SH3PXD2A: variants seen among roughly 807,000 people sequenced by gnomAD.
SH3PXD2A encodes SH3 and PX domains 2A, also known as SH3 and PX domain-containing protein 2A.
Under a neutral mutation model 115.2 loss-of-function variants are expected in SH3PXD2A, and 32 were observed. That is an observed-to-expected ratio of 0.28 (90% confidence interval 0.21 to 0.37). The LOEUF (loss-of-function observed/expected upper bound fraction) is 0.37, where lower values mean the gene tolerates loss of function less well. Ranked by LOEUF, SH3PXD2A falls within the 10% of genes least tolerant of loss-of-function variation. SH3PXD2A has a pLI of 1.00. For synonymous variants in SH3PXD2A, 610 were observed against 629.1 expected (o/e 0.97, Z 0.45); for missense variants, 1,328 against 1,498.7 (o/e 0.89, Z 1.88).
intron 4 of SH3PXD2A, among the ~76,000 whole-genome samples, chr10:103,726,007 C>T (rs2038237075): frequency 2.6e-5 from 4 of 152,234 alleles, no homozygotes; most frequent in Admixed American, 2.6e-4. Context: ...GCCCCGTTTT[C>T]TGGGCCCCTC....
intron 3 of SH3PXD2A, among the ~76,000 whole-genome samples, chr10:103,741,010 AG>A (rs1293641873): frequency 6.6e-6 from 1 of 152,212 alleles, no homozygotes; most frequent in Non-Finnish European, 1.5e-5. Context: ...ATACCTATTG[AG>A]TAATTTGGTT....
chr10:103,855,344 G>T lies in SH3PXD2A; in HGVS notation c.-78C>A. On this transcript the variant is annotated 5_prime_UTR_variant, in exon 1 of 15. Coordinates refer to ENST00000369774, the MANE Select transcript of SH3PXD2A (RefSeq NM_001394015.1). ...CCGGGCTCCGGCTCCTTCTCCAGCT[G>T]CCGGGGTCCCGGGGCCGCCCGCCAC... 2 of 1,181,630 alleles carry T rather than the reference G, an allele frequency of 1.7e-6. No individual in the cohort carries two copies. Among genetic ancestry groups the T allele is most frequent in the South Asian group, 1.6e-5 (1 of 61,296 alleles). The allele number at this position is 1,181,630 out of a possible 1,614,324, so 73.2% of individuals were successfully genotyped here.
chr10:103,832,370 G>GAAAAAAAAAAAAAAAAA (rs58886791), intron 1 of SH3PXD2A, among the ~76,000 whole-genome samples: 3 of 128,038 alleles, frequency 2.3e-5, no homozygotes. Flanking sequence ...AACCTAAAAA[G>GAAAAAAAAAAAAAAAAA]AAAAAAAAAA....
chr10:103,811,847 A>G (rs1589465626), intron 1 of SH3PXD2A, among the ~76,000 whole-genome samples: 1 of 152,332 alleles, frequency 6.6e-6, no homozygotes, highest in Admixed American at 6.5e-5. Context: ...TCCATACCCC[A>G]TAAAATAAAC....
rs983357334 is a variant in SH3PXD2A, at chr10:103,840,804, G to A, written c.72+14391C>T. 1.2e-4 allele frequency among the ~76,000 whole-genome samples: 18 copies of A among 151,624 alleles called. No homozygotes were observed. In the South Asian group the frequency reaches 3.1e-3, roughly 26 times the overall value. ...TTAAATGAGTGATGTGCTTAGTGGCGGGCACATCGTTCATGCTGCTGTTGT... is the reference window on the plus strand; with the variant it reads ...TTAAATGAGTGATGTGCTTAGTGGCAGGCACATCGTTCATGCTGCTGTTGT... On this transcript the variant is annotated intron_variant, in intron 1 of 14. Coordinates refer to ENST00000369774, the MANE Select transcript of SH3PXD2A (RefSeq NM_001394015.1).
At chr10:103,816,674 A>T (rs2039326613) in intron 1 of SH3PXD2A, among the ~76,000 whole-genome samples, 1 of 152,198 alleles carries the variant, frequency 6.6e-6, no homozygotes. Context: ...AGAGAAATGA[A>T]AACTTACATC....
intron 6 of SH3PXD2A, among the ~76,000 whole-genome samples, chr10:103,670,543 G>A (rs931454278): frequency 6.6e-6 from 1 of 152,242 alleles, no homozygotes; most frequent in East Asian, 1.9e-4. Context: ...CGGCCTGCAA[G>A]GACAAGAACT....
chr10:103,713,027 CCAGCACGGCTTTAGTA>C (rs2038063812), intron 5 of SH3PXD2A, among the ~76,000 whole-genome samples: 1 of 152,204 alleles, frequency 6.6e-6, no homozygotes, highest in Admixed American at 6.5e-5. Context: ...GCTCAAGGGT[CCAGCACGGCTTTAGTA>C]CAGCATCAGC....
At chr10:103,747,869 T>C (rs990608041) in intron 3 of SH3PXD2A, among the ~76,000 whole-genome samples, 2 of 152,112 alleles carry the variant, frequency 1.3e-5, no homozygotes, top group African/African-American at 4.8e-5. Context: ...AGGTTGGTCT[T>C]GAACTCCTGG....
chr10:103,742,744 A>T (rs2038457232), intron 3 of SH3PXD2A, among the ~76,000 whole-genome samples: 1 of 152,196 alleles, frequency 6.6e-6, no homozygotes, highest in Non-Finnish European at 1.5e-5. Context: ...CGTGGGGGAC[A>T]GGGGAGTGTC....
At position 103,595,225 on chromosome 10, in the gene SH3PXD2A, T is replaced by C. The variant is rs4918029; in HGVS notation, c.*6591A>G. 127,147 of 152,214 alleles carry C rather than the reference T, an allele frequency of 0.84. 53,231 individuals carry two copies. Among genetic ancestry groups the C allele is most frequent in the East Asian group, 1 (5,182 of 5,188 alleles). The allele number at this position is 152,214 out of a possible 1,614,324, so 9.4% of individuals were successfully genotyped here. On this transcript the variant is annotated 3_prime_UTR_variant, in exon 15 of 15. Coordinates refer to ENST00000369774, the MANE Select transcript of SH3PXD2A (RefSeq NM_001394015.1). ...TGAGTGGCAGTTTTTTCCTAGCCAG[T>C]TTCTGTGGCCAAATTTGGAGGATTT...
At chr10:103,795,743 G>A (rs1258172035) in intron 2 of SH3PXD2A, among the ~76,000 whole-genome samples, 1 of 152,006 alleles carries the variant, frequency 6.6e-6, no homozygotes, top group African/African-American at 2.4e-5. Flanking sequence ...CCCTCACTAA[G>A]CTGTGAGACC....
chr10:103,604,772 A>G (rs2036275150), intron 14 of SH3PXD2A, among the ~76,000 whole-genome samples: 1 of 152,200 alleles, frequency 6.6e-6, no homozygotes, highest in Admixed American at 6.5e-5. Flanking sequence ...CCCTGTACCT[A>G]CAGTTCAAGC....
At chr10:103,698,194 C>G (rs988482833) in intron 5 of SH3PXD2A, among the ~76,000 whole-genome samples, 1 of 152,220 alleles carries the variant, frequency 6.6e-6, no homozygotes, top group African/African-American at 2.4e-5. Context: ...GGAAGAGCCA[C>G]TGAGGCACGG....
chr10:103,836,721 CTTT>C (rs1231354786), intron 1 of SH3PXD2A, among the ~76,000 whole-genome samples: 1 of 145,032 alleles, frequency 6.9e-6, no homozygotes, highest in Non-Finnish European at 1.5e-5. Flanking sequence ...TCTTTTCTCC[CTTT>C]GTTTTCTTAA....
intron 8 of SH3PXD2A, among the ~76,000 whole-genome samples, chr10:103,645,256 C>G (rs1206715025): frequency 6.6e-6 from 1 of 152,206 alleles, no homozygotes; most frequent in African/African-American, 2.4e-5. Context: ...AATGCGGGAT[C>G]AGCACTGGGC....
chr10:103,608,150 T>TAAAAAAAAAAAAAAAAAGTTTACAAA (rs768102863), intron 13 of SH3PXD2A, among the ~76,000 whole-genome samples: 1 of 32,668 alleles, frequency 3.1e-5, no homozygotes, highest in Admixed American at 4.1e-4. Context: ...ATGATCAATT[T>TAAAAAAAAAAAAAAAAAGTTTACAAA]AAAAAAAAAA....
At chr10:103,834,234 C>T (rs1026674823) in intron 1 of SH3PXD2A, among the ~76,000 whole-genome samples, 1 of 152,164 alleles carries the variant, frequency 6.6e-6, no homozygotes, top group Non-Finnish European at 1.5e-5. Context: ...GTGTCCAGGA[C>T]CCCTCGGCCA....
At chr10:103,660,945 C>T (rs2037288379) in intron 8 of SH3PXD2A, 38 bp downstream of exon 8, 2 of 1,610,702 alleles carry the variant, frequency 1.2e-6, no homozygotes, top group East Asian at 2.2e-5. Context: ...GGGGCCAGAC[C>T]GGAACCCCAG....
Sources: gnomAD v4.1 joint callset for allele counts (sites outside exome capture counted in the v4.1 genomes callset) on GRCh38, gnomAD v4.1.1 for gene constraint, MANE v1.5 for transcripts, NCBI Gene and HGNC (gene_info 2026-07-23, HGNC 2026-07-21) for gene names.